SSR2: variants seen among roughly 807,000 people sequenced by gnomAD.
SSR2 encodes signal sequence receptor subunit 2, also known as translocon-associated protein subunit beta.
Under a neutral mutation model 22.6 loss-of-function variants are expected in SSR2, and 16 were observed. The ratio of observed to expected loss-of-function variants is 0.71; its 90% CI spans 0.48 to 1.08. The LOEUF is 1.08. SSR2 is among the 50% of genes least tolerant of loss of function. The pLI, the probability that SSR2 is intolerant of heterozygous loss-of-function variation, is 0.00. For synonymous variants in SSR2, 83 were observed against 91.2 expected, an observed-to-expected ratio of 0.91 and a Z score of 0.51; for missense variants, 171 against 221.6, an observed-to-expected ratio of 0.77 and a Z score of 1.45.
Position 156,009,564 on chromosome 1 carries a change from G to C in SSR2, c.528C>G (p.Asp176Glu), listed in dbSNP as rs1459697035. ...ATCAGTTCTTCTTCGTTTTGGGAGT[G>C]TCATATTTCCTCTTGCTGGAGTACC... ...LLWYSSKRKY[D>E]TPKTKKN The change falls in exon 6 of 6, where the codon GAC becomes GAG. Residue 176 changes from aspartate to glutamate, a missense_variant. Coordinates refer to ENST00000295702, the MANE Select transcript of SSR2 (RefSeq NM_003145.4). The C allele has an allele frequency of 6.2e-7, 1 of 1,613,454 alleles. No individual in the cohort carries two copies. The highest frequency in any genetic ancestry group is 8.5e-7 in the Non-Finnish European group (1 of 1,179,710).
At chr1:156,019,851 CT>C (rs1683121585) in intron 2 of SSR2, among the ~76,000 whole-genome samples, 161 bp downstream of exon 2, 1 of 152,184 alleles carries the variant, frequency 6.6e-6, no homozygotes, top group Admixed American at 6.5e-5. Context: ...GAATGTCCTC[CT>C]TTCCAAAAGT....
intron 1 of SSR2, chr1:156,020,492 G>T: frequency 3.2e-6 from 1 of 310,382 alleles, no homozygotes; most frequent in South Asian, 2.9e-5. Context: ...GCCTGATTTC[G>T]GCCGATCTCG....
Position 156,009,170 on chromosome 1 carries a change from G to C in SSR2, c.*370C>G, listed in dbSNP as rs563083590. ...TTTCATCTTCCACCCTCTTCTGAGA[G>C]GGGGAGGCAGGGGATAGGGGTGGTG... On this transcript the variant is annotated 3_prime_UTR_variant, in exon 6 of 6. Coordinates refer to ENST00000295702, the MANE Select transcript of SSR2 (RefSeq NM_003145.4). 5 of 194,562 alleles carry C rather than the reference G, an allele frequency of 2.6e-5. No homozygotes were observed. Among genetic ancestry groups the C allele is most frequent in the Non-Finnish European group, 5.2e-5 (5 of 96,486 alleles). 12.1% of individuals were successfully genotyped at this position (194,562 alleles called of 1,614,324 possible).
intron 2 of SSR2, among the ~76,000 whole-genome samples, chr1:156,018,909 C>T (rs1683103781): frequency 6.6e-6 from 1 of 151,902 alleles, no homozygotes; most frequent in Admixed American, 6.6e-5. Flanking sequence ...GTGGTATGCG[C>T]CTGTAATCCC....
chr1:156,015,505 C>CAAAAAAAAAA (rs1169214264), intron 3 of SSR2, among the ~76,000 whole-genome samples: 5 of 41,034 alleles, frequency 1.2e-4, no homozygotes, highest in Non-Finnish European at 1.8e-4. Context: ...GACTCCGCCT[C>CAAAAAAAAAA]AAAAAAAAAA....
chr1:156,010,013 C>T (rs1035320452), intron 5 of SSR2, among the ~76,000 whole-genome samples: 17 of 152,154 alleles, frequency 1.1e-4, no homozygotes, highest in Admixed American at 8.5e-4. Flanking sequence ...ACCTTATGAT[C>T]TGCCCACCTC....
At chr1:156,015,505 C>CAAAAAAAAAAAAAAAAAAAAAAAAAAAA (rs1169214264) in intron 3 of SSR2, among the ~76,000 whole-genome samples, 1 of 41,030 alleles carries the variant, frequency 2.4e-5, no homozygotes, top group African/African-American at 1.4e-4. Flanking sequence ...GACTCCGCCT[C>CAAAAAAAAAAAAAAAAAAAAAAAAAAAA]AAAAAAAAAA....
intron 3 of SSR2, among the ~76,000 whole-genome samples, chr1:156,015,495 G>A (rs1419656255): frequency 1.2e-5 from 1 of 85,130 alleles, no homozygotes; most frequent in Non-Finnish European, 2.0e-5. Flanking sequence ...AACAGAGTGA[G>A]ACTCCGCCTC....
At chr1:156,018,167 A>T in intron 3 of SSR2, 103 bp downstream of exon 3, 1 of 797,236 alleles carries the variant, frequency 1.3e-6, no homozygotes, top group Non-Finnish European at 2.2e-6. Flanking sequence ...AGATGACAGG[A>T]GGACAGCCAC....
At chr1:156,019,202 A>G (rs1356815567) in intron 2 of SSR2, 6 of 444,814 alleles carry the variant, frequency 1.3e-5, no homozygotes, top group Admixed American at 7.3e-5. Context: ...CACCAAAATA[A>G]TCAAGTATCC....
rs1553254402 is a variant in SSR2, at chr1:156,017,739, G to GGTT, written c.254+530_254+531insAAC. Among the ~76,000 whole-genome samples the GGTT allele has an allele frequency of 4.8e-5, 3 of 61,908 alleles. 1 individual carries two copies. Among genetic ancestry groups the GGTT allele is most frequent in the Non-Finnish European group, 2.7e-5 (1 of 37,024 alleles). 40.6% of individuals were successfully genotyped at this position (61,908 alleles called of 152,430 possible). The stretch of plus-strand genomic sequence containing the variant: ...ATCCTCCCAGTATAGTATGTTTCAG[G>GGTT]TTTTTTTTTTTTTTTTTTTTTTTTT... On this transcript the variant is annotated intron_variant, in intron 3 of 5. Transcript: ENST00000295702.
intron 4 of SSR2, 42 bp from the exon 5 acceptor site, chr1:156,011,929 A>G: frequency 6.6e-7 from 1 of 1,510,878 alleles, no homozygotes; most frequent in East Asian, 2.3e-5. Context: ...AGTCCACCTC[A>G]TGAAGTTCCA....
intron 4 of SSR2, chr1:156,014,564 C>G (rs536594845): frequency 6.1e-6 from 1 of 163,076 alleles, no homozygotes; most frequent in Non-Finnish European, 1.3e-5. Context: ...TTTTTTGAGA[C>G]GGAGTCTCAC....
chr1:156,017,292 C>T (rs917432629), intron 3 of SSR2, among the ~76,000 whole-genome samples: 40 of 152,320 alleles, frequency 2.6e-4, no homozygotes, highest in African/African-American at 9.4e-4. Context: ...GAATAAGAGA[C>T]TCACTGAATA....
In SSR2 at chr1:156,009,375, G is replaced by A; in HGVS notation, c.*165C>T. On this transcript the variant is annotated 3_prime_UTR_variant, in exon 6 of 6. Transcript: ENST00000295702. ...GAGGCTCTCGCAGACTCCTAGGGCT[G>A]GTCCTTCACTATGGCTGAGAGCAGG... is the stretch of plus-strand genomic sequence containing the variant. 1.5e-6 allele frequency: 1 copy of A among 648,182 alleles called. No homozygotes were observed. The highest frequency in any genetic ancestry group is 2.8e-6 in the Non-Finnish European group (1 of 363,506). 40.2% of individuals were successfully genotyped at this position (648,182 alleles called of 1,614,324 possible).
rs942989752 is a variant in SSR2, at chr1:156,011,702, G to A, written c.441+108C>T. The stretch of plus-strand genomic sequence containing the variant: ...TATATCAGACACCAAAAAACACACA[G>A]GGCAAGAACCAACCAACAAAACAAA... On this transcript the variant is annotated intron_variant, in intron 5 of 5. Coordinates refer to ENST00000295702, the MANE Select transcript of SSR2 (RefSeq NM_003145.4). 10 of 874,296 alleles carry A rather than the reference G, an allele frequency of 1.1e-5. No homozygotes were observed. The African/African-American group carries it at 1.7e-4, about 15-fold the overall frequency. The allele number at this position is 874,296 out of a possible 1,614,324, so 54.2% of individuals were successfully genotyped here. A position where few individuals can be genotyped will look rare whatever the true frequency, so the allele number is the denominator to read the frequency against.
In SSR2 at chr1:156,020,901, AAC is replaced by A. The variant is rs1456287402; in HGVS notation, c.-16_-15del. The A allele has an allele frequency of 4.2e-6, 2 of 471,264 alleles. No individual in the cohort carries two copies. Among genetic ancestry groups the A allele is most frequent in the Non-Finnish European group, 8.8e-6 (2 of 227,012 alleles). 29.2% of individuals were successfully genotyped at this position (471,264 alleles called of 1,614,324 possible). ...CTCCGGACTTACCGTTGGCATCCCA[AAC>A]GCCTTTCCGGAGCCACAAAGACAGG... On this transcript the variant is annotated 5_prime_UTR_variant, in exon 1 of 6. Coordinates refer to ENST00000295702, the MANE Select transcript of SSR2 (RefSeq NM_003145.4).
chr1:156,018,289 T>C lies in SSR2; in HGVS notation c.235A>G (p.Lys79Glu). ...FGIVSGMLNV[K>E]WDRIAPASNV... is the part of the protein sequence containing the mutation. ...GGATACGGGGCAATCCGGTCCCATT[T>C]GACATTGAGCATTCCAGACACAATG... The change falls in exon 3 of 6, where the codon AAA (lysine) becomes GAA (glutamate). Residue 79 changes from lysine to glutamate, a missense_variant. By Grantham distance (56) the Lys-to-Glu change is moderately conservative. Transcript: ENST00000295702. 1 of 1,614,086 alleles carries C rather than the reference T, an allele frequency of 6.2e-7. No homozygotes were observed. The highest frequency in any genetic ancestry group is 8.5e-7 in the Non-Finnish European group (1 of 1,179,946).
Position 156,020,016 on chromosome 1 carries a change from G to A in SSR2, c.152C>T (p.Ser51Leu), listed in dbSNP as rs1464107169. ...TAACTCTAGGGCCTCGAGTTACCTT[G>A]AGCCAACATTGTAGATGTTGTACTG... ...TLQYNIYNVG[S>L]SAALDVELSD... is the part of the protein sequence containing the mutation. Residue 51 changes from serine to leucine, a missense_variant, in exon 2 of 6, where the codon TCA becomes TTA. By Grantham distance (145) the Ser-to-Leu change is moderately radical. Transcript: ENST00000295702. The A allele has an allele frequency of 6.2e-7, 1 of 1,612,714 alleles. No homozygotes were observed. Among genetic ancestry groups the A allele is most frequent in the South Asian group, 1.1e-5 (1 of 90,960 alleles).
Sources: allele counts gnomAD v4.1 joint callset (sites outside exome capture counted in the v4.1 genomes callset), GRCh38; gene constraint gnomAD v4.1.1; transcripts MANE v1.5; gene names NCBI Gene and HGNC (gene_info 2026-07-23, HGNC 2026-07-21).